TENM3: variants seen among roughly 807,000 people sequenced by gnomAD.
TENM3 encodes teneurin-3.
A neutral mutation model predicts 255.1 loss-of-function variants in TENM3; 63 were observed. That is an observed-to-expected ratio of 0.25 (90% confidence interval 0.20 to 0.30). TENM3 has a LOEUF of 0.30. Ranked by LOEUF, TENM3 falls within the 10% of genes least tolerant of loss-of-function variation. The probability of loss-of-function intolerance (pLI) is 1.00; values close to 1 mark genes in which losing one functional copy is unlikely to be tolerated. For missense variants in TENM3, 2,929 were observed against 3,461.1 expected, an observed-to-expected ratio of 0.85 and a Z score of 3.86; for synonymous variants, 1,306 against 1,322.3, an observed-to-expected ratio of 0.99 and a Z score of 0.27.
intron 3 of TENM3, among the ~76,000 whole-genome samples, chr4:182,418,637 G>C (rs1770560646): frequency 6.6e-6 from 1 of 152,156 alleles, no homozygotes; most frequent in Non-Finnish European, 1.5e-5. Flanking sequence ...CACAGCTCAA[G>C]GCAGCCTCGA....
Position 182,736,768 on chromosome 4 carries a change from C to T in TENM3, c.2968-40C>T, listed in dbSNP as rs370606082. 33 of 1,573,866 alleles carry T rather than the reference C, an allele frequency of 2.1e-5. 1 individual carries two copies. In the African/African-American group the frequency reaches 2.4e-4, roughly 12 times the overall value. The stretch of plus-strand genomic sequence containing the variant: ...AAATATATTTTATCTAATCGTCATA[C>T]GTGATCACAGTTTGAAACTTCTGCT... On this transcript the variant is annotated intron_variant, in intron 16 of 27. Coordinates refer to ENST00000511685, the MANE Select transcript of TENM3 (RefSeq NM_001080477.4).
the TENM3 span, among the ~76,000 whole-genome samples, chr4:181,899,578 G>T: frequency 5.9e-5 from 9 of 151,376 alleles, no homozygotes; most frequent in East Asian, 3.9e-4. Flanking sequence ...GTTTTTTGGG[G>T]TTTTTTTTGA....
chr4:182,720,555 T>A (rs1482341777), intron 13 of TENM3, among the ~76,000 whole-genome samples: 1 of 152,174 alleles, frequency 6.6e-6, no homozygotes, highest in Non-Finnish European at 1.5e-5. Flanking sequence ...AGATTCAGGT[T>A]ACTCTGAACC....
chr4:181,561,202 T>C, the TENM3 span, among the ~76,000 whole-genome samples: 25,854 of 151,956 alleles, frequency 0.17, 2,611 homozygotes, highest in African/African-American at 0.27. Flanking sequence ...GATCCACCCA[T>C]CTCGGCCTCC....
the TENM3 span, among the ~76,000 whole-genome samples, chr4:181,662,182 C>T: frequency 9.2e-5 from 14 of 152,210 alleles, no homozygotes; most frequent in African/African-American, 3.1e-4. Context: ...AAAATTCAAA[C>T]GGAGGTTTTA....
chr4:182,071,516 G>T, the TENM3 span, among the ~76,000 whole-genome samples: 3 of 150,140 alleles, frequency 2.0e-5, no homozygotes, highest in Admixed American at 2.0e-4. Flanking sequence ...CGCGATCTCG[G>T]CTCGCTGCAA....
the TENM3 span, among the ~76,000 whole-genome samples, chr4:181,495,833 A>G: frequency 6.6e-6 from 1 of 151,480 alleles, no homozygotes; most frequent in Non-Finnish European, 1.5e-5. Context: ...AAGGAATCCT[A>G]AACTGGCAAA....
intron 3 of TENM3, among the ~76,000 whole-genome samples, chr4:182,567,958 G>A (rs558782118): frequency 3.9e-5 from 6 of 152,130 alleles, no homozygotes; most frequent in African/African-American, 1.2e-4. Context: ...TTCATAGAAT[G>A]AATTGAATCA....
the TENM3 span, chr4:181,905,831 C>T: frequency 2.4e-6 from 1 of 422,958 alleles, no homozygotes; most frequent in South Asian, 2.1e-5. Context: ...ATTCTTCCTC[C>T]TCATGTCTGG....
chr4:182,476,741 T>G (rs1258886248), intron 3 of TENM3, among the ~76,000 whole-genome samples: 1 of 152,166 alleles, frequency 6.6e-6, no homozygotes, highest in Non-Finnish European at 1.5e-5. Flanking sequence ...AAGTACATGG[T>G]CTTGAAGATC....
chr4:182,535,530 T>C (rs1422376307), intron 3 of TENM3, among the ~76,000 whole-genome samples: 4 of 151,562 alleles, frequency 2.6e-5, no homozygotes, highest in Non-Finnish European at 5.9e-5. Flanking sequence ...AGCCCAGGAG[T>C]TGAAGACCAT....
At chr4:181,709,181 T>C in the TENM3 span, among the ~76,000 whole-genome samples, 1 of 152,230 alleles carries the variant, frequency 6.6e-6, no homozygotes, top group Non-Finnish European at 1.5e-5. Flanking sequence ...ATTCAAAGTT[T>C]CCTAGATTCC....
At chr4:182,166,867 A>T (rs1277800031) in intron 1 of TENM3, among the ~76,000 whole-genome samples, 1 of 146,030 alleles carries the variant, frequency 6.8e-6, no homozygotes. Context: ...TATAATTGTT[A>T]AACTCTTGGG....
intron 4 of TENM3, among the ~76,000 whole-genome samples, chr4:182,625,508 G>A (rs1181877689): frequency 6.6e-6 from 1 of 152,142 alleles, no homozygotes; most frequent in Non-Finnish European, 1.5e-5. Context: ...CTGGTCCAGG[G>A]AAAAATTGTC....
chr4:182,377,301 G>GTATTTATT lies in TENM3; in HGVS notation c.511+30377_511+30384dup, dbSNP rs751941925. ...GTATAGGCACATAAAGCCACATTTT[G>GTATTTATT]TATTTATTTATTCATTTATTTATTT... is the stretch of plus-strand genomic sequence containing the variant. On this transcript the variant is annotated intron_variant, in intron 3 of 27. Coordinates refer to ENST00000511685, the MANE Select transcript of TENM3 (RefSeq NM_001080477.4). Among the ~76,000 whole-genome samples the GTATTTATT allele has an allele frequency of 3.1e-3, 466 of 152,084 alleles. 1 individual carries two copies. The highest frequency in any genetic ancestry group is 0.011 in the African/African-American group (447 of 41,470).
the TENM3 span, among the ~76,000 whole-genome samples, chr4:181,777,642 G>A: frequency 5.8e-4 from 89 of 152,198 alleles, 2 homozygotes; most frequent in Middle Eastern, 3.4e-3. Flanking sequence ...TATACTCTTA[G>A]TAGGTCAATG....
the TENM3 span, among the ~76,000 whole-genome samples, chr4:181,521,647 A>C: frequency 2.0e-5 from 3 of 152,188 alleles, no homozygotes; most frequent in Admixed American, 2.0e-4. Flanking sequence ...CCATCAATAC[A>C]CTAGTCTCTA....
At chr4:181,803,071 T>TAGTG in the TENM3 span, among the ~76,000 whole-genome samples, 4,345 of 152,304 alleles carry the variant, frequency 0.029, 107 homozygotes, top group African/African-American at 0.073. Context: ...ATGTATGTGT[T>TAGTG]AGAATTTCTA....
At position 182,754,668 on chromosome 4, in the gene TENM3, CA is replaced by C; in HGVS notation, c.4302del (p.Asp1435MetfsTer6). 1 of 1,614,032 alleles carries C rather than the reference CA, an allele frequency of 6.2e-7. No individual in the cohort carries two copies. The highest frequency in any genetic ancestry group is 1.1e-5 in the South Asian group (1 of 91,084). On this transcript the variant is annotated frameshift_variant, in exon 22 of 28. Coordinates refer to ENST00000511685, the MANE Select transcript of TENM3 (RefSeq NM_001080477.4). LOFTEE classifies it high-confidence loss of function. This position sits in a 1 kb window ranked among gnomAD's most constrained non-coding sequence, Gnocchi z 5.1. ...ATTAACCGGATAAGGCAGGTCACAA[CA>C]GATGGAGAAATCTCCTTAGTGGCCG... is the stretch of plus-strand genomic sequence containing the variant. Reference protein sequence around the residue: ...KKINRIRQVTTDGEISLVAGI... With the variant: ...KKINRIRQVTXDGEISLVAGI...
Sources: allele counts gnomAD v4.1 joint callset (sites outside exome capture counted in the v4.1 genomes callset), GRCh38; gene constraint gnomAD v4.1.1; non-coding constraint Gnocchi (gnomAD v3.1); transcripts MANE v1.5; gene names NCBI Gene and HGNC (gene_info 2026-07-23, HGNC 2026-07-21).